The following SOBP variants were observed in gnomAD, a reference collection of about 807,000 sequenced individuals.
SOBP encodes sine oculis binding protein homolog.
A neutral mutation model predicts 53.6 loss-of-function variants in SOBP; 4 were observed. The ratio of observed to expected loss-of-function variants is 0.07; its 90% CI spans 0.04 to 0.17. The LOEUF (loss-of-function observed/expected upper bound fraction) is 0.17, where lower values mean the gene tolerates loss of function less well. SOBP is among the 10% of genes least tolerant of loss of function. The pLI is 1.00. For missense variants in SOBP, 1,088 were observed against 1,204.7 expected, an observed-to-expected ratio of 0.90 and a Z score of 1.43; for synonymous variants, 584 against 522.6, an observed-to-expected ratio of 1.12 and a Z score of -1.60.
chr6:107,528,331 AG>A (rs1261038619), intron 3 of SOBP, among the ~76,000 whole-genome samples: 3 of 152,154 alleles, frequency 2.0e-5, no homozygotes, highest in Admixed American at 6.5e-5. Flanking sequence ...TTACAGAGGT[AG>A]GGGGGTCTCC....
chr6:107,522,276 C>G (rs1783533604), intron 3 of SOBP, among the ~76,000 whole-genome samples: 1 of 152,016 alleles, frequency 6.6e-6, no homozygotes, highest in South Asian at 2.1e-4. Flanking sequence ...GCAGTGGATG[C>G]CACTGAAGAG....
chr6:107,553,491 G>A (rs1280349256), intron 4 of SOBP, among the ~76,000 whole-genome samples: 1 of 149,654 alleles, frequency 6.7e-6, no homozygotes, highest in Non-Finnish European at 1.5e-5. Flanking sequence ...ACTACACCTG[G>A]CTAATTTTTT....
chr6:107,639,403 T>A (rs1160688201), intron 6 of SOBP, among the ~76,000 whole-genome samples: 1 of 152,188 alleles, frequency 6.6e-6, no homozygotes, highest in Admixed American at 6.5e-5. Flanking sequence ...TGTGTTGATA[T>A]GATTACAAAT....
intron 4 of SOBP, among the ~76,000 whole-genome samples, chr6:107,564,700 A>G (rs908015637): frequency 5.3e-5 from 8 of 152,104 alleles, no homozygotes; most frequent in Admixed American, 4.6e-4. Context: ...CAGCTCTCAG[A>G]GCTCTATGCT....
chr6:107,644,807 A>G (rs1199610964), intron 6 of SOBP, among the ~76,000 whole-genome samples: 1 of 152,244 alleles, frequency 6.6e-6, no homozygotes, highest in Non-Finnish European at 1.5e-5. Context: ...ATTAAGGCCA[A>G]AGTGCTTGGC....
At chr6:107,618,490 T>G (rs1273920954) in intron 5 of SOBP, among the ~76,000 whole-genome samples, 3 of 152,198 alleles carry the variant, frequency 2.0e-5, no homozygotes, top group Non-Finnish European at 2.9e-5. Flanking sequence ...AAGGAAGAGA[T>G]AAAATGATCA....
At chr6:107,500,757 C>T (rs546646042) in intron 1 of SOBP, among the ~76,000 whole-genome samples, 7 of 152,162 alleles carry the variant, frequency 4.6e-5, no homozygotes, top group Non-Finnish European at 7.4e-5. Context: ...GATCTCCTGA[C>T]CTTGTGATCT....
At chr6:107,616,088 G>GGT (rs1344920545) in intron 5 of SOBP, among the ~76,000 whole-genome samples, 3 of 129,260 alleles carry the variant, frequency 2.3e-5, no homozygotes, top group South Asian at 6.0e-4. Flanking sequence ...GGGGGGTGGG[G>GGT]GGGGGGCGGG....
chr6:107,569,155 T>C (rs566252910), intron 4 of SOBP, among the ~76,000 whole-genome samples: 7 of 152,248 alleles, frequency 4.6e-5, no homozygotes, highest in African/African-American at 1.7e-4. Flanking sequence ...TCCTGAGCAG[T>C]ATCAGATTTT....
At chr6:107,554,834 C>G (rs148838718) in intron 4 of SOBP, among the ~76,000 whole-genome samples, 126 of 152,208 alleles carry the variant, frequency 8.3e-4, no homozygotes, top group African/African-American at 2.9e-3. Context: ...CAAGCATTGA[C>G]TTTTCTTTCT....
At chr6:107,527,778 A>G (rs1488993187) in intron 3 of SOBP, among the ~76,000 whole-genome samples, 2 of 152,194 alleles carry the variant, frequency 1.3e-5, no homozygotes, top group Non-Finnish European at 2.9e-5. Flanking sequence ...AGCAATGTAC[A>G]TCTACTACCT....
At chr6:107,565,609 G>C (rs1302374332) in intron 4 of SOBP, among the ~76,000 whole-genome samples, 1 of 152,188 alleles carries the variant, frequency 6.6e-6, no homozygotes, top group Non-Finnish European at 1.5e-5. Context: ...GAATGAGATA[G>C]GTGTGGGATG....
chr6:107,537,145 G>C lies in SOBP; in HGVS notation c.573+3535G>C, dbSNP rs988429374. On this transcript the variant is annotated intron_variant, in intron 4 of 6. Coordinates refer to ENST00000317357, the MANE Select transcript of SOBP (RefSeq NM_018013.4). ...CTTGTGAAAACATTTAGTCCAACTTGCTAACACCAGTTTTACTTTGCATAG... is the reference window on the plus strand; with the variant it reads ...CTTGTGAAAACATTTAGTCCAACTTCCTAACACCAGTTTTACTTTGCATAG... 2.0e-5 allele frequency among the ~76,000 whole-genome samples: 3 copies of C among 152,148 alleles called. No individual in the cohort carries two copies. In the East Asian group the frequency reaches 5.8e-4, roughly 29 times the overall value.
At chr6:107,586,279 G>T (rs1785564183) in intron 4 of SOBP, among the ~76,000 whole-genome samples, 1 of 152,202 alleles carries the variant, frequency 6.6e-6, no homozygotes, top group Non-Finnish European at 1.5e-5. Flanking sequence ...GAGCAGAGCG[G>T]AGTGCAAGTG....
chr6:107,522,749 G>A (rs1277026146), intron 3 of SOBP, among the ~76,000 whole-genome samples: 1 of 151,848 alleles, frequency 6.6e-6, no homozygotes, highest in East Asian at 1.9e-4. Context: ...TCACCATGTT[G>A]CCCAGGCTGG....
chr6:107,584,469 C>T (rs965822041), intron 4 of SOBP, among the ~76,000 whole-genome samples: 1 of 152,120 alleles, frequency 6.6e-6, no homozygotes, highest in Non-Finnish European at 1.5e-5. Flanking sequence ...GGTTCAAGAA[C>T]TTCTTGTACT....
At position 107,635,484 on chromosome 6, in the gene SOBP, C is replaced by T; in HGVS notation, c.*3+15C>T. The T allele has an allele frequency of 6.2e-7, 1 of 1,611,612 alleles. No homozygotes were observed. On this transcript the variant is annotated intron_variant, in intron 6 of 6. Coordinates refer to ENST00000317357, the MANE Select transcript of SOBP (RefSeq NM_018013.4). This position sits in a 1 kb window ranked among gnomAD's most constrained non-coding sequence, Gnocchi z 4.5. ...ATAAGTAAAAGGTTTGTATGTCCGC[C>T]GGGCGCTCCTCCACACCAGCCAGTG...
chr6:107,639,788 AT>A (rs2115160323), intron 6 of SOBP, among the ~76,000 whole-genome samples: 1 of 152,336 alleles, frequency 6.6e-6, no homozygotes, highest in South Asian at 2.1e-4. Context: ...AAAAGAAAAT[AT>A]TCCCCCTCCT....
chr6:107,578,031 G>A (rs532636578), intron 4 of SOBP, among the ~76,000 whole-genome samples: 98 of 146,644 alleles, frequency 6.7e-4, no homozygotes, highest in African/African-American at 2.4e-3. Context: ...CCGAGATGGC[G>A]CCACTGCGCT....
Sources: allele counts gnomAD v4.1 joint callset (sites outside exome capture counted in the v4.1 genomes callset), GRCh38; gene constraint gnomAD v4.1.1; non-coding constraint Gnocchi (gnomAD v3.1); transcripts MANE v1.5; gene names NCBI Gene and HGNC (gene_info 2026-07-23, HGNC 2026-07-21).